Variants in MED13 observed in about 807,000 individuals in gnomAD.
MED13 encodes mediator of RNA polymerase II transcription subunit 13.
In MED13, 23 loss-of-function variants were observed where a neutral mutation model predicts 225.2. The ratio of observed to expected loss-of-function variants is 0.10; its 90% CI spans 0.07 to 0.14. The LOEUF is 0.14. Among genes scored for constraint, MED13 ranks in the 10% least tolerant of loss-of-function variants. The pLI is 1.00. For synonymous variants in MED13, 942 were observed against 889.2 expected (o/e 1.06, Z -1.06); for missense variants, 2,197 against 2,594.5 (o/e 0.85, Z 3.33).
intron 9 of MED13, among the ~76,000 whole-genome samples, chr17:62,002,637 A>G (rs952329463): frequency 6.6e-6 from 1 of 152,190 alleles, no homozygotes; most frequent in African/African-American, 2.4e-5. Context: ...TTGTCACATC[A>G]TATCTGAAGC....
At chr17:62,035,642 G>T (rs761860118) in intron 3 of MED13, 34 bp from the exon 4 acceptor site, 1 of 1,576,808 alleles carries the variant, frequency 6.3e-7, no homozygotes, top group South Asian at 1.2e-5. Flanking sequence ...TCTTAGTGAT[G>T]ACTAGTGGCC....
At chr17:62,026,700 C>G (rs2080705813) in intron 8 of MED13, among the ~76,000 whole-genome samples, 1 of 152,068 alleles carries the variant, frequency 6.6e-6, no homozygotes, top group Non-Finnish European at 1.5e-5. Flanking sequence ...ACAGTCTCAG[C>G]CCAAAAGCTC....
At chr17:61,999,061 T>TTTA (rs1175374925) in intron 9 of MED13, among the ~76,000 whole-genome samples, 1 of 151,974 alleles carries the variant, frequency 6.6e-6, no homozygotes, top group Non-Finnish European at 1.5e-5. Flanking sequence ...ACTTAAAAGA[T>TTTA]TTAGAGTACA....
chr17:62,054,473 A>C (rs2080981702), intron 2 of MED13, among the ~76,000 whole-genome samples: 1 of 152,220 alleles, frequency 6.6e-6, no homozygotes, highest in African/African-American at 2.4e-5. Context: ...ACCGTTATCT[A>C]CTTCCATTTA....
At chr17:61,975,458 A>G (rs2080146423) in intron 16 of MED13, among the ~76,000 whole-genome samples, 3 of 152,222 alleles carry the variant, frequency 2.0e-5, no homozygotes, top group Admixed American at 1.3e-4. Flanking sequence ...GATGACTATA[A>G]TAAGAAAAAC....
intron 8 of MED13, among the ~76,000 whole-genome samples, chr17:62,028,975 C>T (rs2080728672): frequency 6.6e-6 from 1 of 152,020 alleles, no homozygotes; most frequent in Non-Finnish European, 1.5e-5. Flanking sequence ...GGACAACATA[C>T]CAAGATCCCC....
At chr17:62,023,159 C>A (rs535269976) in intron 8 of MED13, among the ~76,000 whole-genome samples, 2 of 152,068 alleles carry the variant, frequency 1.3e-5, no homozygotes, top group South Asian at 4.1e-4. Context: ...TATTCATATA[C>A]TTTAAATTTC....
intron 1 of MED13, among the ~76,000 whole-genome samples, chr17:62,064,380 C>G (rs535251054): frequency 2.6e-5 from 4 of 152,174 alleles, no homozygotes; most frequent in Admixed American, 6.5e-5. Flanking sequence ...CTTTCCATTT[C>G]AATCAAACAA....
intron 9 of MED13, among the ~76,000 whole-genome samples, chr17:62,001,429 C>A (rs958441065): frequency 2.0e-5 from 3 of 152,180 alleles, no homozygotes; most frequent in Admixed American, 6.5e-5. Flanking sequence ...TTTCAAGCAA[C>A]CTTTCAATAA....
intron 28 of MED13, among the ~76,000 whole-genome samples, chr17:61,949,454 T>A (rs1439951694): frequency 6.6e-6 from 1 of 152,184 alleles, no homozygotes; most frequent in Admixed American, 6.5e-5. Flanking sequence ...CACAAACTCC[T>A]GGCCTCAAGT....
intron 22 of MED13, 38 bp downstream of exon 22, chr17:61,961,550 T>C: frequency 1.5e-6 from 2 of 1,302,262 alleles, no homozygotes; most frequent in East Asian, 2.3e-5. Context: ...AAGGTATGTA[T>C]AGTCATTGAA....
At chr17:62,058,853 T>C (rs149732968) in intron 2 of MED13, among the ~76,000 whole-genome samples, 1 of 152,236 alleles carries the variant, frequency 6.6e-6, no homozygotes, top group Admixed American at 6.5e-5. Flanking sequence ...GTTTAAAGTA[T>C]GTATTAAATC....
At chr17:61,986,407 C>T (rs115093569) in intron 12 of MED13, among the ~76,000 whole-genome samples, 1,912 of 152,216 alleles carry the variant, frequency 0.013, 38 homozygotes, top group African/African-American at 0.044. Flanking sequence ...ATGCAGCACC[C>T]AATTCATTAA....
At chr17:62,050,136 A>T (rs1861213345) in intron 3 of MED13, among the ~76,000 whole-genome samples, 1 of 152,096 alleles carries the variant, frequency 6.6e-6, no homozygotes, top group African/African-American at 2.4e-5. Context: ...AGGTGAGTGG[A>T]TCACTTGAGG....
intron 11 of MED13, among the ~76,000 whole-genome samples, chr17:61,988,632 G>C (rs1243764858): frequency 6.6e-6 from 1 of 152,026 alleles, no homozygotes; most frequent in Non-Finnish European, 1.5e-5. Flanking sequence ...TGAGAAAGCT[G>C]AACTACAGGC....
intron 8 of MED13, among the ~76,000 whole-genome samples, chr17:62,015,107 C>T (rs554486500): frequency 2.0e-5 from 3 of 152,208 alleles, no homozygotes; most frequent in South Asian, 4.1e-4. Flanking sequence ...ATTTAGAAAA[C>T]ATAACAACCA....
In MED13 at chr17:61,995,347, C is replaced by T; in HGVS notation, c.1986G>A (p.Lys662=). The change falls in exon 10 of 30, where the codon AAG becomes AAA. Residue 662 remains lysine (K), a synonymous_variant. Coordinates refer to ENST00000397786, the MANE Select transcript of MED13 (RefSeq NM_005121.3). ...TSVTELMVQC[K]KPLKVSDELV... ...ATTCATCAGAAACTTTTAAAGGTTT[C>T]TTACATTGCACCATTAACCTGCATA... The T allele has an allele frequency of 6.2e-7, 1 of 1,610,626 alleles. No homozygotes were observed.
At chr17:61,991,130 A>T (rs2080294844) in intron 11 of MED13, among the ~76,000 whole-genome samples, 1 of 151,906 alleles carries the variant, frequency 6.6e-6, no homozygotes. Flanking sequence ...TTATTTATTT[A>T]TTTTTTGAGA....
At chr17:62,025,176 C>T (rs1265435912) in intron 8 of MED13, among the ~76,000 whole-genome samples, 3 of 152,070 alleles carry the variant, frequency 2.0e-5, no homozygotes, top group East Asian at 3.9e-4. Flanking sequence ...ATATTTTATC[C>T]CCTGGGGGCC....
Sources: gnomAD v4.1 joint callset for allele counts (sites outside exome capture counted in the v4.1 genomes callset) on GRCh38, gnomAD v4.1.1 for gene constraint, MANE v1.5 for transcripts, NCBI Gene and HGNC (gene_info 2026-07-23, HGNC 2026-07-21) for gene names.